The following SLC14A2 variants were observed in gnomAD, a reference collection of about 807,000 sequenced individuals.
The protein encoded by SLC14A2 is solute carrier family 14 member 2.
Under a neutral mutation model 104.6 loss-of-function variants are expected in SLC14A2, and 91 were observed. That is an observed-to-expected ratio of 0.87 (90% CI 0.73 to 1.04). SLC14A2 has a LOEUF of 1.04. Among genes scored for constraint, SLC14A2 ranks in the 50% least tolerant of loss-of-function variants. The pLI, the probability that SLC14A2 is intolerant of heterozygous loss-of-function variation, is 0.00. For synonymous variants in SLC14A2, 476 were observed against 466.4 expected (o/e 1.02, Z -0.27); for missense variants, 1,189 against 1,156.0 (o/e 1.03, Z -0.41).
chr18:45,426,694 T>TACACACACAC (rs1328486756), intron 1 of SLC14A2, among the ~76,000 whole-genome samples: 69 of 90,306 alleles, frequency 7.6e-4, no homozygotes, highest in African/African-American at 2.3e-3. Flanking sequence ...CATATATACA[T>TACACACACAC]ACATACACAC....
Position 45,672,959 on chromosome 18 carries a change from T to G in SLC14A2, c.2289T>G (p.Thr763=). The change falls in exon 17 of 20, where the codon ACT becomes ACG. Residue 763 remains threonine (T), a synonymous_variant. Transcript: ENST00000255226. ...TGTACGGCTGTGATAACCCCTGGACTGGAGGCATCTTCCTCATAGCTCTGT... is the reference window on the plus strand; with the variant it reads ...TGTACGGCTGTGATAACCCCTGGACGGGAGGCATCTTCCTCATAGCTCTGT... ...GQVYGCDNPW[T]GGIFLIALFI... The G allele has an allele frequency of 6.2e-7, 1 of 1,614,198 alleles. No individual in the cohort carries two copies. Among genetic ancestry groups the G allele is most frequent in the Non-Finnish European group, 8.5e-7 (1 of 1,179,998 alleles).
chr18:45,612,664 A>G (rs1208999563), upstream of SLC14A2, among the ~76,000 whole-genome samples: 2 of 152,240 alleles, frequency 1.3e-5, no homozygotes, highest in Non-Finnish European at 2.9e-5. Flanking sequence ...GGCTTCCCCA[A>G]GGATGCACAG....
intron 1 of SLC14A2, among the ~76,000 whole-genome samples, chr18:45,342,947 G>C (rs1160175356): frequency 6.6e-6 from 1 of 152,100 alleles, no homozygotes; most frequent in Non-Finnish European, 1.5e-5. Context: ...CCATTATTCA[G>C]ACCTTTAATC....
At chr18:45,465,683 A>T (rs1447984895) in intron 1 of SLC14A2, among the ~76,000 whole-genome samples, 1 of 152,100 alleles carries the variant, frequency 6.6e-6, no homozygotes, top group Non-Finnish European at 1.5e-5. Context: ...TCCCAAAATC[A>T]GTCAGCTAGG....
intron 1 of SLC14A2, among the ~76,000 whole-genome samples, chr18:45,250,755 C>CATTTTTTTTTTTTTT (rs748232928): frequency 1.1e-5 from 1 of 93,894 alleles, no homozygotes; most frequent in African/African-American, 4.4e-5. Context: ...TGGCTTCTTC[C>CATTTTTTTTTTTTTT]TTTTTTTTTT....
intron 1 of SLC14A2, among the ~76,000 whole-genome samples, chr18:45,296,814 C>T (rs1378543416): frequency 9.3e-6 from 1 of 107,182 alleles, no homozygotes; most frequent in African/African-American, 4.5e-5. Flanking sequence ...ATGTATTTTT[C>T]CCAGGGTAGC....
intron 2 of SLC14A2, among the ~76,000 whole-genome samples, chr18:45,530,351 C>T (rs1402141775): frequency 6.6e-6 from 1 of 152,160 alleles, no homozygotes; most frequent in Non-Finnish European, 1.5e-5. Context: ...AATGAAGGCT[C>T]TTCTCCATAA....
intron 2 of SLC14A2, chr18:45,542,233 G>A (rs2543030): frequency 6.6e-6 from 1 of 151,714 alleles, no homozygotes; most frequent in Middle Eastern, 3.2e-3. Flanking sequence ...GCATGGCTGA[G>A]AACTGCTATG....
At chr18:45,200,292 T>C in the SLC14A2 span, among the ~76,000 whole-genome samples, 1 of 152,124 alleles carries the variant, frequency 6.6e-6, no homozygotes, top group Non-Finnish European at 1.5e-5. Context: ...ATATGTAGAT[T>C]AGGAAACACT....
intron 1 of SLC14A2, among the ~76,000 whole-genome samples, chr18:45,243,190 G>A (rs1419238809): frequency 1.3e-5 from 2 of 152,188 alleles, no homozygotes; most frequent in African/African-American, 4.8e-5. Flanking sequence ...ACATTCAGTG[G>A]GTGCTCAGTG....
chr18:45,581,613 T>G (rs981164940), intron 2 of SLC14A2, among the ~76,000 whole-genome samples: 3 of 152,154 alleles, frequency 2.0e-5, no homozygotes, highest in African/African-American at 7.2e-5. Flanking sequence ...AAGTGGTGTA[T>G]CTCCTCCGAG....
At chr18:45,207,296 G>T in the SLC14A2 span, among the ~76,000 whole-genome samples, 1 of 149,970 alleles carries the variant, frequency 6.7e-6, no homozygotes. Flanking sequence ...GAGAAAGGTA[G>T]GAGGGAGAGA....
intron 2 of SLC14A2, among the ~76,000 whole-genome samples, chr18:45,559,875 C>G (rs1201207758): frequency 6.6e-6 from 1 of 152,168 alleles, no homozygotes; most frequent in Non-Finnish European, 1.5e-5. Context: ...GCTGAAAGTA[C>G]CAGGTTTCAG....
chr18:45,405,905 A>G (rs1338455965), intron 1 of SLC14A2, among the ~76,000 whole-genome samples: 1 of 151,914 alleles, frequency 6.6e-6, no homozygotes, highest in African/African-American at 2.4e-5. Flanking sequence ...TCGAAAAAAA[A>G]AAAAAAAAAA....
chr18:45,306,829 G>T (rs1256747549), intron 1 of SLC14A2, among the ~76,000 whole-genome samples: 1 of 152,194 alleles, frequency 6.6e-6, no homozygotes, highest in Admixed American at 6.5e-5. Flanking sequence ...AAAGACAAGT[G>T]ATTCTTTGTG....
chr18:45,469,587 A>C (rs777884185), intron 1 of SLC14A2, among the ~76,000 whole-genome samples: 2 of 152,196 alleles, frequency 1.3e-5, no homozygotes, highest in African/African-American at 2.4e-5. Flanking sequence ...ATCCCAAGGA[A>C]CTGGGTTAGT....
chr18:45,634,231 A>G (rs953761068), intron 5 of SLC14A2, among the ~76,000 whole-genome samples: 21 of 152,350 alleles, frequency 1.4e-4, no homozygotes, highest in African/African-American at 4.8e-4. Flanking sequence ...TCATTCAATA[A>G]ACAAATATCT....
intron 2 of SLC14A2, among the ~76,000 whole-genome samples, chr18:45,540,034 T>A (rs767820931): frequency 5.2e-4 from 79 of 152,306 alleles, no homozygotes; most frequent in Admixed American, 3.1e-3. Context: ...GTATGAGGAT[T>A]TCCAACCATA....
intron 2 of SLC14A2, among the ~76,000 whole-genome samples, chr18:45,536,680 G>A (rs2043790262): frequency 6.6e-6 from 1 of 152,078 alleles, no homozygotes; most frequent in African/African-American, 2.4e-5. Flanking sequence ...TGGGGGTTGG[G>A]ACTTAAACAT....
Sources: gnomAD v4.1 joint callset for allele counts (sites outside exome capture counted in the v4.1 genomes callset) on GRCh38, gnomAD v4.1.1 for gene constraint, MANE v1.5 for transcripts, NCBI Gene and HGNC (gene_info 2026-07-23, HGNC 2026-07-21) for gene names.